ERBB4: variants seen among roughly 807,000 people sequenced by gnomAD.
The protein encoded by ERBB4 is erb-b2 receptor tyrosine kinase 4, also known as receptor tyrosine-protein kinase erbB-4.
Under a neutral mutation model 158.0 loss-of-function variants are expected in ERBB4, and 42 were observed. The observed-to-expected ratio is 0.27, with a 90% CI of 0.21 to 0.34. The LOEUF is 0.34. Among genes scored for constraint, ERBB4 ranks in the 10% least tolerant of loss-of-function variants. ERBB4 has a pLI of 1.00. For synonymous variants in ERBB4, 583 were observed against 558.7 expected (o/e 1.04, Z -0.61); for missense variants, 1,333 against 1,624.1 (o/e 0.82, Z 3.08).
At chr2:211,489,974 A>C (rs1462259977) in intron 20 of ERBB4, among the ~76,000 whole-genome samples, 1 of 151,920 alleles carries the variant, frequency 6.6e-6, no homozygotes, top group Non-Finnish European at 1.5e-5. Context: ...TCTCCTCTAA[A>C]ATTTAGGTGT....
chr2:211,981,249 A>G (rs530699801), intron 2 of ERBB4, among the ~76,000 whole-genome samples: 1 of 152,244 alleles, frequency 6.6e-6, no homozygotes, highest in East Asian at 2.0e-4. Flanking sequence ...CATCTGGTAC[A>G]CTGGACCTGC....
intron 16 of ERBB4, among the ~76,000 whole-genome samples, chr2:211,636,684 A>C (rs1435571577): frequency 6.6e-6 from 1 of 151,942 alleles, no homozygotes; most frequent in African/African-American, 2.4e-5. Context: ...GGAATTTAGG[A>C]TACCCAGAGT....
intron 1 of ERBB4, among the ~76,000 whole-genome samples, chr2:212,342,705 A>G (rs969325310): frequency 3.3e-5 from 5 of 152,234 alleles, no homozygotes; most frequent in Admixed American, 2.0e-4. Context: ...AAATATTATC[A>G]TAACAAGCAT....
intron 1 of ERBB4, among the ~76,000 whole-genome samples, chr2:212,533,892 G>A (rs1024354122): frequency 6.6e-5 from 10 of 152,150 alleles, no homozygotes; most frequent in Admixed American, 5.2e-4. Flanking sequence ...AATTTCTGTA[G>A]AACAGATGTA....
chr2:212,286,604 T>TTTTTGTTTGTTTG (rs1553611195), intron 1 of ERBB4, among the ~76,000 whole-genome samples: 1 of 129,568 alleles, frequency 7.7e-6, no homozygotes, highest in African/African-American at 3.0e-5. Flanking sequence ...CTTTTTTTTT[T>TTTTTGTTTGTTTG]TTTTTTTTTT....
chr2:212,055,683 T>G (rs1248331926), intron 2 of ERBB4, among the ~76,000 whole-genome samples: 1 of 152,184 alleles, frequency 6.6e-6, no homozygotes, highest in Non-Finnish European at 1.5e-5. Context: ...GGAGTGGACC[T>G]CCAGCAAACT....
intron 20 of ERBB4, among the ~76,000 whole-genome samples, chr2:211,524,596 A>T (rs183805379): frequency 0.083 from 12,479 of 150,920 alleles, 751 homozygotes; most frequent in African/African-American, 0.16. Context: ...GGGACCCAGT[A>T]CACCCTCCGC....
At chr2:211,584,147 A>G (rs1354776307) in intron 19 of ERBB4, among the ~76,000 whole-genome samples, 1 of 151,546 alleles carries the variant, frequency 6.6e-6, no homozygotes, top group Non-Finnish European at 1.5e-5. Context: ...TTCAACATAC[A>G]TATCTTGCAT....
chr2:211,813,295 G>C (rs1478565971), intron 3 of ERBB4, among the ~76,000 whole-genome samples: 1 of 152,232 alleles, frequency 6.6e-6, no homozygotes, highest in African/African-American at 2.4e-5. Flanking sequence ...AATTCTCTGA[G>C]ATTAGGGTAA....
At chr2:212,142,184 A>T (rs1397238932) in intron 1 of ERBB4, among the ~76,000 whole-genome samples, 10 of 152,148 alleles carry the variant, frequency 6.6e-5, no homozygotes, top group African/African-American at 2.4e-4. Flanking sequence ...GAGTAGCATC[A>T]TTTCAAAACA....
At chr2:211,580,879 A>ATTATG (rs1559317742) in intron 19 of ERBB4, among the ~76,000 whole-genome samples, 4 of 67,094 alleles carry the variant, frequency 6.0e-5, no homozygotes, top group Non-Finnish European at 9.7e-5. Flanking sequence ...ATATATATAT[A>ATTATG]TATATATATA....
intron 20 of ERBB4, among the ~76,000 whole-genome samples, chr2:211,473,450 T>A (rs553612512): frequency 1.2e-4 from 19 of 152,056 alleles, no homozygotes; most frequent in African/African-American, 4.3e-4. Context: ...CCACAGAAAA[T>A]TAGAACACAG....
intron 3 of ERBB4, among the ~76,000 whole-genome samples, chr2:211,816,540 CAAAA>C (rs34323414): frequency 1.5e-5 from 1 of 65,886 alleles, no homozygotes; most frequent in African/African-American, 5.6e-5. Flanking sequence ...GAGCCCGTCT[CAAAA>C]AAAAAAAAAA....
intron 20 of ERBB4, among the ~76,000 whole-genome samples, chr2:211,459,500 C>T (rs2064472775): frequency 6.6e-6 from 1 of 152,150 alleles, no homozygotes; most frequent in Non-Finnish European, 1.5e-5. Context: ...TCCCATAATT[C>T]CCATGTCTTG....
chr2:211,470,683 C>T (rs1226792257), intron 20 of ERBB4, among the ~76,000 whole-genome samples: 2 of 152,202 alleles, frequency 1.3e-5, no homozygotes, highest in African/African-American at 4.8e-5. Flanking sequence ...CTTTAAGGTA[C>T]ATGTGACTAA....
chr2:211,435,723 T>C (rs914501500), intron 20 of ERBB4, among the ~76,000 whole-genome samples: 2 of 152,086 alleles, frequency 1.3e-5, no homozygotes, highest in Non-Finnish European at 2.9e-5. Context: ...TGGTTTGAGG[T>C]AGAACTGTTT....
chr2:212,406,239 A>T (rs2091340693), intron 1 of ERBB4, among the ~76,000 whole-genome samples: 1 of 152,142 alleles, frequency 6.6e-6, no homozygotes, highest in South Asian at 2.1e-4. Flanking sequence ...CTATAGGCTA[A>T]GTTTAAGACA....
At chr2:211,636,843 C>T (rs1237866227) in intron 16 of ERBB4, among the ~76,000 whole-genome samples, 1 of 151,936 alleles carries the variant, frequency 6.6e-6, no homozygotes, top group Middle Eastern at 3.4e-3. Flanking sequence ...TAGATTATTT[C>T]CCATCAAAAA....
intron 5 of ERBB4, among the ~76,000 whole-genome samples, chr2:211,746,300 T>C (rs1343806876): frequency 6.6e-6 from 1 of 152,104 alleles, no homozygotes; most frequent in Non-Finnish European, 1.5e-5. Context: ...TAAAATAAAA[T>C]AAAATTTGTA....
Sources: gnomAD v4.1 joint callset for allele counts (sites outside exome capture counted in the v4.1 genomes callset) on GRCh38, gnomAD v4.1.1 for gene constraint, MANE v1.5 for transcripts, NCBI Gene and HGNC (gene_info 2026-07-23, HGNC 2026-07-21) for gene names.